The following TACC2 variants were observed in gnomAD, a reference collection of about 807,000 sequenced individuals.
TACC2 encodes transforming acidic coiled-coil-containing protein 2.
TACC2 carries 137 observed loss-of-function variants against 227.3 expected under a neutral mutation model. That is an observed-to-expected ratio of 0.60 (90% CI 0.52 to 0.69). TACC2 has a LOEUF of 0.69. TACC2 is among the 30% of genes least tolerant of loss of function. TACC2 has a pLI of 0.00. For synonymous variants in TACC2, 1,523 were observed against 1,487.5 expected (o/e 1.02, Z -0.55); for missense variants, 3,470 against 3,694.4 (o/e 0.94, Z 1.57).
intron 1 of TACC2, among the ~76,000 whole-genome samples, chr10:122,010,384 G>C (rs1333274962): frequency 6.6e-6 from 1 of 152,192 alleles, no homozygotes; most frequent in Non-Finnish European, 1.5e-5. Context: ...CTTGTCTGCA[G>C]AGAGGGACGG....
chr10:121,990,457 C>T (rs953980643), intron 1 of TACC2, among the ~76,000 whole-genome samples: 1 of 152,068 alleles, frequency 6.6e-6, no homozygotes, highest in African/African-American at 2.4e-5. Context: ...GTTTTGCTTT[C>T]GTTTTCAATT....
chr10:122,013,390 AC>A (rs1204179892), intron 1 of TACC2, among the ~76,000 whole-genome samples: 1 of 152,196 alleles, frequency 6.6e-6, no homozygotes, highest in Non-Finnish European at 1.5e-5. Context: ...TTCCTGGGCT[AC>A]GGCTGTTTGT....
chr10:122,177,921 C>T (rs1824451408), intron 7 of TACC2, among the ~76,000 whole-genome samples: 1 of 152,080 alleles, frequency 6.6e-6, no homozygotes, highest in Admixed American at 6.6e-5. Context: ...ACCCTGGGTT[C>T]AGGTGTCAGT....
At chr10:122,181,281 CA>C (rs1473489731) in intron 7 of TACC2, among the ~76,000 whole-genome samples, 6 of 152,142 alleles carry the variant, frequency 3.9e-5, no homozygotes, top group Non-Finnish European at 8.8e-5. Context: ...GCAAGAAAAT[CA>C]CATTCTTTTT....
intron 3 of TACC2, among the ~76,000 whole-genome samples, chr10:122,068,205 G>C (rs903114001): frequency 6.6e-6 from 1 of 152,092 alleles, no homozygotes; most frequent in Non-Finnish European, 1.5e-5. Flanking sequence ...CTCTGTGCTT[G>C]ACATACTCGG....
In TACC2 at chr10:122,022,068, G is replaced by C; in HGVS notation, c.33+54G>C. 2.5e-5 allele frequency: 40 copies of C among 1,591,594 alleles called. No homozygotes were observed. The South Asian group carries it at 4.3e-4, about 17-fold the overall frequency. On this transcript the variant is annotated intron_variant, in intron 2 of 22. Coordinates refer to ENST00000369005, the MANE Select transcript of TACC2 (RefSeq NM_206862.4). ...CTACGTGGTGCTCTTGGCAGACCTTGACTAGGTTCTTTTTACAGCGTCTCA... is the reference window on the plus strand; with the variant it reads ...CTACGTGGTGCTCTTGGCAGACCTTCACTAGGTTCTTTTTACAGCGTCTCA...
At chr10:122,174,209 A>G (rs1016845064) in intron 7 of TACC2, among the ~76,000 whole-genome samples, 1 of 152,204 alleles carries the variant, frequency 6.6e-6, no homozygotes, top group African/African-American at 2.4e-5. Flanking sequence ...CAGGTGGCCT[A>G]GGGGCTGAGG....
At chr10:122,253,888 A>C in intron 22 of TACC2, 103 bp from the exon 23 acceptor site, 1 of 885,108 alleles carries the variant, frequency 1.1e-6, no homozygotes. Context: ...TTTAGTGGGG[A>C]CCAAGGGGCC....
At chr10:122,014,227 A>ATTTT (rs397731091) in intron 1 of TACC2, among the ~76,000 whole-genome samples, 59,508 of 144,672 alleles carry the variant, frequency 0.41, 12,198 homozygotes, top group South Asian at 0.61. Context: ...GACCTGTGTA[A>ATTTT]TTTTTTTTTT....
rs1211181772 is a variant in TACC2 at position 122,017,845 on chromosome 10, GAAAAGA to G, written c.-45-4075_-45-4070del. Among the ~76,000 whole-genome samples, 45 of 126,526 alleles carry G rather than the reference GAAAAGA, an allele frequency of 3.6e-4. No homozygotes were observed. In the East Asian group the frequency reaches 9.8e-3, roughly 28 times the overall value. The allele number at this position is 126,526 out of a possible 152,430, so 83.0% of individuals were successfully genotyped here. ...AAAAAAAAAAAAAAAAAAAGACAAAGAAAAGAAAAAGAAAAAGAAAAATTCTTCTGT... is the reference window on the plus strand; with the variant it reads ...AAAAAAAAAAAAAAAAAAAGACAAAGAAAAGAAAAAGAAAAATTCTTCTGT... On this transcript the variant is annotated intron_variant, in intron 1 of 22. Transcript: ENST00000369005.
chr10:122,080,211 C>CTTTTT (rs111618289), intron 3 of TACC2, among the ~76,000 whole-genome samples: 3 of 113,216 alleles, frequency 2.6e-5, no homozygotes, highest in Non-Finnish European at 1.7e-5. Context: ...TCTTCCTTTC[C>CTTTTT]TTTTTTTTTT....
At chr10:122,131,145 T>C (rs1392254239) in intron 5 of TACC2, among the ~76,000 whole-genome samples, 3 of 147,934 alleles carry the variant, frequency 2.0e-5, no homozygotes. Context: ...GCCACTGCAT[T>C]TCAGTCTGGG....
At chr10:122,217,399 T>C (rs1370722222) in intron 11 of TACC2, among the ~76,000 whole-genome samples, 1 of 151,764 alleles carries the variant, frequency 6.6e-6, no homozygotes, top group Non-Finnish European at 1.5e-5. Flanking sequence ...CTCCTATGTA[T>C]ATTCAATTTC....
At chr10:122,022,785 G>T (rs940925545) in intron 2 of TACC2, 1 of 152,150 alleles carries the variant, frequency 6.6e-6, no homozygotes, top group Admixed American at 6.5e-5. Context: ...GTTAAACAAG[G>T]TTTTCACAAT....
chr10:122,178,609 C>G lies in TACC2; in HGVS notation c.5835-16431C>G, dbSNP rs560598607. Among the ~76,000 whole-genome samples, 4 of 152,170 alleles carry G rather than the reference C, an allele frequency of 2.6e-5. No homozygotes were observed. The East Asian group carries it at 7.8e-4, about 30-fold the overall frequency. ...TAAGAAAACAGGATAAAGGGTCAGG[C>G]GCAGTGGCTCACGCCTGTAATCCCA... On this transcript the variant is annotated intron_variant, in intron 7 of 22. Transcript: ENST00000369005.
rs55916137 is a variant in TACC2 at position 122,180,486 on chromosome 10, C to T, written c.5835-14554C>T. On this transcript the variant is annotated intron_variant, in intron 7 of 22. Transcript: ENST00000369005. The surrounding 1 kb of genome is among the most constrained non-coding windows in gnomAD (Gnocchi z 4.5). Reference sequence around the variant, plus strand: ...CCGAGTAGCTGGGACTACAGGCGCCCGCCACCACACCCGGCTAATTTTTTT... The same window carrying T: ...CCGAGTAGCTGGGACTACAGGCGCCTGCCACCACACCCGGCTAATTTTTTT... Among the ~76,000 whole-genome samples the T allele has an allele frequency of 0.11, 16,773 of 151,950 alleles. 1,239 individuals are homozygous for T. The highest frequency in any genetic ancestry group is 0.16 in the Non-Finnish European group (10,688 of 67,942).
chr10:122,249,729 C>G, intron 22 of TACC2, 65 bp downstream of exon 22: 1 of 1,540,868 alleles, frequency 6.5e-7, no homozygotes. Flanking sequence ...GCTGGCCAGT[C>G]CAGCTAGACA....
chr10:122,201,027 ACGGCCACC>A (rs2094809508), intron 8 of TACC2, among the ~76,000 whole-genome samples: 1 of 143,550 alleles, frequency 7.0e-6, no homozygotes, highest in Non-Finnish European at 1.5e-5. Context: ...CAGTGAGAGG[ACGGCCACC>A]TCACCCGCCC....
At chr10:122,132,082 G>GGAAGGAAGGAAGGAAGGAAGAA (rs1555059268) in intron 5 of TACC2, among the ~76,000 whole-genome samples, 4 of 136,098 alleles carry the variant, frequency 2.9e-5, no homozygotes, top group African/African-American at 8.8e-5. Flanking sequence ...AAGAAAGAAA[G>GGAAGGAAGGAAGGAAGGAAGAA]AGAAAGATCT....
Sources: gnomAD v4.1 joint callset for allele counts (sites outside exome capture counted in the v4.1 genomes callset) on GRCh38, gnomAD v4.1.1 for gene constraint, Gnocchi (gnomAD v3.1) non-coding constraint, MANE v1.5 for transcripts, NCBI Gene and HGNC (gene_info 2026-07-23, HGNC 2026-07-21) for gene names.